The following PSD4 variants were observed in gnomAD, a reference collection of about 807,000 sequenced individuals.
PSD4 encodes PH and SEC7 domain-containing protein 4.
In PSD4, 59 loss-of-function variants were observed where a neutral mutation model predicts 112.5. The observed-to-expected ratio is 0.52, with a 90% CI of 0.43 to 0.65. The LOEUF is 0.65. PSD4 is among the 30% of genes least tolerant of loss of function. The probability of loss-of-function intolerance (pLI) is 0.00; values close to 1 mark genes in which losing one functional copy is unlikely to be tolerated. For missense variants in PSD4, 1,267 were observed against 1,352.6 expected (o/e 0.94, Z 0.99); for synonymous variants, 533 against 540.0 (o/e 0.99, Z 0.18).
At chr2:113,195,641 GC>G (rs1387972577) in intron 10 of PSD4, 85 bp from the exon 11 acceptor site, 1 of 1,478,548 alleles carries the variant, frequency 6.8e-7, no homozygotes, top group Non-Finnish European at 9.4e-7. Flanking sequence ...CTGTACACAT[GC>G]CCCTATCCTA....
At chr2:113,187,903 C>G (rs17043099) in intron 5 of PSD4, among the ~76,000 whole-genome samples, 2,819 of 152,224 alleles carry the variant, frequency 0.019, 90 homozygotes, top group African/African-American at 0.064. Context: ...ACAACAGAAG[C>G]TAACAGAAAA....
chr2:113,177,404 T>C (rs1422174821), intron 1 of PSD4, among the ~76,000 whole-genome samples: 1 of 152,208 alleles, frequency 6.6e-6, no homozygotes. Context: ...TTTTCACAAA[T>C]GTTCTACAAC....
In PSD4 at chr2:113,193,118, C is replaced by T. The variant is rs1558893290; in HGVS notation, c.1909C>T (p.Arg637Ter). The change falls in exon 7 of 17, where the codon CGA becomes TGA. Residue 637 changes from arginine (R) to a stop codon, truncating the protein, a stop_gained. Coordinates refer to ENST00000245796, the MANE Select transcript of PSD4 (RefSeq NM_012455.3). LOFTEE classifies it high-confidence loss of function. ...CCAGTTTGGAGGCCAGAGTCTGGAC[C>T]GAGCCCTCCGGTAATGTCTTTGGGC... Reference protein sequence around the residue: ...FFQFGGQSLDRALRSFLQALV... With the variant: ...FFQFGGQSLD 5 of 1,613,924 alleles carry T rather than the reference C, an allele frequency of 3.1e-6. No homozygotes were observed. Among genetic ancestry groups the T allele is most frequent in the East Asian group, 2.2e-5 (1 of 44,874 alleles).
intron 11 of PSD4, 54 bp from the exon 12 acceptor site, chr2:113,196,093 C>T (rs963959206): frequency 6.4e-7 from 1 of 1,572,442 alleles, no homozygotes; most frequent in Non-Finnish European, 8.7e-7. Flanking sequence ...CAATGGATAC[C>T]TCCCAGTTCT....
chr2:113,199,968 G>A (rs530807744), intron 16 of PSD4, among the ~76,000 whole-genome samples: 1 of 152,264 alleles, frequency 6.6e-6, no homozygotes, highest in Non-Finnish European at 1.5e-5. Context: ...TGGGATTACA[G>A]GTGTGAGCCA....
chr2:113,181,856 T>G (rs1688145720), intron 1 of PSD4, among the ~76,000 whole-genome samples: 1 of 152,216 alleles, frequency 6.6e-6, no homozygotes. Flanking sequence ...GCTGTGGCCT[T>G]CATGTCGTGG....
chr2:113,184,945 TCGACTTCTCAG>T lies in PSD4; in HGVS notation c.1057-11_1057-1del. On this transcript the variant is annotated splice_acceptor_variant and splice_polypyrimidine_tract_variant and intron_variant, in intron 2 of 16. Transcript: ENST00000245796. LOFTEE classifies it high-confidence loss of function. ...TCTCCTTCTCTCCTCTGTCTCTCTC[TCGACTTCTCAG>T]GGAGATAGGCTTGGTCCTGCTCCAT... 6.2e-7 allele frequency: 1 copy of T among 1,613,916 alleles called. No individual in the cohort carries two copies. Among genetic ancestry groups the T allele is most frequent in the Middle Eastern group, 1.7e-4 (1 of 5,888 alleles).
At chr2:113,177,830 C>A (rs34949856) in intron 1 of PSD4, among the ~76,000 whole-genome samples, 1 of 152,076 alleles carries the variant, frequency 6.6e-6, no homozygotes, top group Admixed American at 6.5e-5. Flanking sequence ...TAGAACCACG[C>A]GGGTAAACAC....
chr2:113,187,372 C>T (rs1214317342), intron 5 of PSD4, among the ~76,000 whole-genome samples: 1 of 152,232 alleles, frequency 6.6e-6, no homozygotes, highest in African/African-American at 2.4e-5. Flanking sequence ...AGCTCTGGCT[C>T]TAGCCTCCAC....
intron 9 of PSD4, 103 bp from the exon 10 acceptor site, chr2:113,193,756 G>A: frequency 6.4e-7 from 1 of 1,555,160 alleles, no homozygotes; most frequent in African/African-American, 1.4e-5. Context: ...CCTGAGGGAT[G>A]TGGGCCTGGG....
In PSD4 at chr2:113,185,631, C is replaced by T. The variant is rs557173322; in HGVS notation, c.1249+191C>T. ...TGAAGGAAACGTACAAAAGGACCAG[C>T]ATTTCTTACCGCTGGGTCTTAATGG... On this transcript the variant is annotated intron_variant, in intron 4 of 16. Transcript: ENST00000245796. 1.0e-5 allele frequency: 16 copies of T among 1,548,106 alleles called. No homozygotes were observed. The African/African-American group carries it at 1.8e-4, about 17-fold the overall frequency.
In PSD4 at chr2:113,197,637, A is replaced by G. The variant is rs754239859; in HGVS notation, c.2457+3A>G. 1 of 1,614,212 alleles carries G rather than the reference A, an allele frequency of 6.2e-7. No individual in the cohort carries two copies. The highest frequency in any genetic ancestry group is 2.2e-5 in the East Asian group (1 of 44,884). On this transcript the variant is annotated splice_donor_region_variant and intron_variant, in intron 13 of 16. Coordinates refer to ENST00000245796, the MANE Select transcript of PSD4 (RefSeq NM_012455.3). ...GGATGGTTCTCTACTTCCTGAAGGT[A>G]GGAAAGGAGCCAACACCCCTGTCAG...
intron 5 of PSD4, among the ~76,000 whole-genome samples, chr2:113,188,409 A>G (rs1025814861): frequency 6.6e-6 from 1 of 150,894 alleles, no homozygotes; most frequent in Middle Eastern, 3.4e-3. Flanking sequence ...ATGCCTGGCT[A>G]ATTTTTGTAC....
chr2:113,198,552 T>C (rs1228439325), intron 14 of PSD4, 188 bp from the exon 15 acceptor site: 11 of 615,454 alleles, frequency 1.8e-5, no homozygotes, highest in Non-Finnish European at 2.7e-5. Context: ...GGCCTCCAAA[T>C]TTTCCTCTTT....
At chr2:113,198,688 G>T in intron 14 of PSD4, 52 bp from the exon 15 acceptor site, 4 of 1,492,000 alleles carry the variant, frequency 2.7e-6, no homozygotes, top group Non-Finnish European at 3.6e-6. Context: ...CGGGAGGAGG[G>T]TGACAGGACG....
intron 11 of PSD4, 152 bp downstream of exon 11, chr2:113,195,922 C>A: frequency 1.7e-6 from 2 of 1,191,726 alleles, no homozygotes; most frequent in East Asian, 2.5e-5. Context: ...GGGGAGAGAG[C>A]ATAGAGGAGC....
intron 1 of PSD4, among the ~76,000 whole-genome samples, chr2:113,179,142 T>C (rs1474463219): frequency 1.3e-5 from 2 of 152,060 alleles, no homozygotes; most frequent in Non-Finnish European, 2.9e-5. Flanking sequence ...GGGAGGGAGA[T>C]TTGGGGTCCA....
At chr2:113,185,719 C>T in intron 4 of PSD4, 158 bp from the exon 5 acceptor site, 1 of 1,549,368 alleles carries the variant, frequency 6.5e-7, no homozygotes, top group Non-Finnish European at 8.7e-7. Flanking sequence ...CCGCTGTCTG[C>T]TGCCTCTGCA....
At chr2:113,201,097 C>G in intron 16 of PSD4, 61 bp from the exon 17 acceptor site, 2 of 1,550,704 alleles carry the variant, frequency 1.3e-6, no homozygotes, top group Non-Finnish European at 1.7e-6. Context: ...CCTCACGATT[C>G]TAGCCTCCTC....
Sources: gnomAD v4.1 joint callset for allele counts (sites outside exome capture counted in the v4.1 genomes callset) on GRCh38, gnomAD v4.1.1 for gene constraint, MANE v1.5 for transcripts, NCBI Gene and HGNC (gene_info 2026-07-23, HGNC 2026-07-21) for gene names.